The following RGPD4 variants were observed in gnomAD, a reference collection of about 807,000 sequenced individuals.
The protein encoded by RGPD4 is ranBP2-like and GRIP domain-containing protein 4.
Under a neutral mutation model 141.1 loss-of-function variants are expected in RGPD4, and 84 were observed. The observed-to-expected ratio is 0.60, with a 90% CI of 0.50 to 0.71. The LOEUF is 0.71. Ranked by LOEUF, RGPD4 falls within the 30% of genes least tolerant of loss-of-function variation. RGPD4 has a pLI of 0.00. For missense variants in RGPD4, 918 were observed against 1,622.4 expected (o/e 0.57, Z 7.46); for synonymous variants, 298 against 566.8 (o/e 0.53, Z 6.74).
At position 107,872,344 on chromosome 2, in the gene RGPD4, G is replaced by A. The variant is rs200865120; in HGVS notation, c.4340G>A (p.Arg1447His). 2.3e-4 allele frequency: 365 copies of A among 1,602,000 alleles called. 2 individuals carry two copies. In the East Asian group the frequency reaches 5.4e-3, roughly 24 times the overall value. Residue 1447 changes from arginine to histidine, a missense_variant, in exon 20 of 23, where the codon CGT (arginine) becomes CAT (histidine). Arg to His is a conservative substitution (Grantham distance 29). Transcript: ENST00000408999. ...AGAAAAGTAGAGCATTTAGCTGTTC[G>A]TTTTAAACTACAGGATGTTGCAGAC... ...GERKVEHLAV[R>H]FKLQDVADSF...
rs1682973064 is a variant in RGPD4, at chr2:107,872,695, C to T, written c.4691C>T (p.Ser1564Phe). The part of the protein sequence containing the change: ...KSKPFAFGNS[S>F]ATGSLFGFSF... ...AAACCATTTGCATTTGGCAACAGTT[C>T]TGCCACTGGGTCTTTGTTTGGATTT... The change falls in exon 20 of 23, where the codon TCT (serine) becomes TTT (phenylalanine). Residue 1564 changes from serine (S) to phenylalanine (F), a missense_variant. Transcript: ENST00000408999. 3 of 1,611,396 alleles carry T rather than the reference C, an allele frequency of 1.9e-6. No homozygotes were observed. Among genetic ancestry groups the T allele is most frequent in the Non-Finnish European group, 2.5e-6 (3 of 1,179,846 alleles).
chr2:107,854,656 T>C lies in RGPD4; in HGVS notation c.1066+13T>C. The C allele has an allele frequency of 1.8e-6, 2 of 1,136,468 alleles. No individual in the cohort carries two copies. The highest frequency in any genetic ancestry group is 2.5e-6 in the Non-Finnish European group (2 of 786,640). 70.4% of individuals were successfully genotyped at this position (1,136,468 alleles called of 1,614,324 possible). On this transcript the variant is annotated intron_variant, in intron 8 of 22. Coordinates refer to ENST00000408999, the MANE Select transcript of RGPD4 (RefSeq NM_182588.3). Reference sequence around the variant, plus strand: ...CTGAGCCAATCAGGTAATAGTAATATTAAACTAATTTAATTTAAAAAGAAA... The same window carrying C: ...CTGAGCCAATCAGGTAATAGTAATACTAAACTAATTTAATTTAAAAAGAAA...
intron 7 of RGPD4, among the ~76,000 whole-genome samples, chr2:107,849,516 G>A (rs1464636125): frequency 4.5e-5 from 3 of 66,376 alleles, no homozygotes; most frequent in Admixed American, 3.6e-4. Context: ...ACAGGCACCC[G>A]CCACCACACC....
At chr2:107,846,583 C>G (rs1368758938) in intron 6 of RGPD4, among the ~76,000 whole-genome samples, 3 of 150,094 alleles carry the variant, frequency 2.0e-5, no homozygotes, top group Admixed American at 2.0e-4. Context: ...TCTCCTGCCT[C>G]AGCCTCCCAA....
At chr2:107,833,224 C>T (rs1466805569) in intron 1 of RGPD4, among the ~76,000 whole-genome samples, 2 of 150,590 alleles carry the variant, frequency 1.3e-5, no homozygotes, top group Non-Finnish European at 2.9e-5. Context: ...CAGAGCGAGA[C>T]TCCGTTTGAA....
chr2:107,844,970 G>A (rs1480340314), intron 6 of RGPD4, among the ~76,000 whole-genome samples: 1 of 140,746 alleles, frequency 7.1e-6, no homozygotes, highest in Admixed American at 7.1e-5. Flanking sequence ...TGAGTAGCTG[G>A]GACCACAGGC....
intron 9 of RGPD4, among the ~76,000 whole-genome samples, chr2:107,857,631 C>T (rs1258734261): frequency 1.3e-5 from 2 of 151,720 alleles, no homozygotes. Context: ...GACAGGGTCT[C>T]CCTTTGTTGC....
Position 107,871,845 on chromosome 2 carries a change from A to C in RGPD4, c.3841A>C (p.Asn1281His). 1 of 1,611,606 alleles carries C rather than the reference A, an allele frequency of 6.2e-7. No homozygotes were observed. Among genetic ancestry groups the C allele is most frequent in the Non-Finnish European group, 8.5e-7 (1 of 1,179,854 alleles). Residue 1281 changes from asparagine to histidine, a missense_variant, in exon 20 of 23, where the codon AAT becomes CAT. Asn to His is a moderately conservative substitution (Grantham distance 68). Coordinates refer to ENST00000408999, the MANE Select transcript of RGPD4 (RefSeq NM_182588.3). ...ATTGGCAAGTAGCCCTGTGAGAAAA[A>C]ATCTTTTCCATTTTGGTGAGTCAAC... ...SPLASSPVRK[N>H]LFHFGESTTG...
chr2:107,885,921 T>C (rs1441835531), intron 22 of RGPD4, among the ~76,000 whole-genome samples: 2 of 151,322 alleles, frequency 1.3e-5, no homozygotes, highest in African/African-American at 4.9e-5. Context: ...GGCGTGGTGG[T>C]GCATGCCTGT....
Position 107,827,023 on chromosome 2 carries a change from A to G in RGPD4, c.10A>G (p.Ser4Gly). ...CCAGGTTGGTGGCGCGATGAGTTGC[A>G]GCAAGGCCTACGGGGAGCGGTACGT... MSC[S>G]KAYGERYVAS... The change falls in exon 1 of 23, where the codon AGC (serine) becomes GGC (glycine). Residue 4 changes from serine to glycine, a missense_variant. Physicochemically the swap from Ser to Gly is moderately conservative, Grantham distance 56. Coordinates refer to ENST00000408999, the MANE Select transcript of RGPD4 (RefSeq NM_182588.3). The G allele has an allele frequency of 6.3e-7, 1 of 1,599,652 alleles. No individual in the cohort carries two copies. Among genetic ancestry groups the G allele is most frequent in the South Asian group, 1.1e-5 (1 of 88,212 alleles).
At chr2:107,884,536 G>A (rs901524263) in intron 22 of RGPD4, among the ~76,000 whole-genome samples, 1 of 147,712 alleles carries the variant, frequency 6.8e-6, no homozygotes, top group Admixed American at 6.8e-5. Context: ...GTAACACTGA[G>A]CTTGTTCCAA....
intron 1 of RGPD4, among the ~76,000 whole-genome samples, chr2:107,830,301 G>A (rs1370900924): frequency 4.0e-5 from 6 of 149,118 alleles, no homozygotes; most frequent in African/African-American, 1.5e-4. Context: ...TTACAGGTGT[G>A]AGCCACTCTG....
chr2:107,880,025 C>G lies in RGPD4; in HGVS notation c.4982C>G (p.Ser1661Cys). ...TKEELVQKLS[S>C]TTKSADHLNG... is the part of the protein sequence containing the mutation. ...GAAGAATTGGTTCAGAAGCTCAGTTCCACCACAAAAAGTGCAGATCACTTA... is the reference window on the plus strand; with the variant it reads ...GAAGAATTGGTTCAGAAGCTCAGTTGCACCACAAAAAGTGCAGATCACTTA... The change falls in exon 21 of 23, where the codon TCC (serine) becomes TGC (cysteine). Residue 1661 changes from serine (S) to cysteine (C), a missense_variant. Coordinates refer to ENST00000408999, the MANE Select transcript of RGPD4 (RefSeq NM_182588.3). 1 of 1,611,308 alleles carries G rather than the reference C, an allele frequency of 6.2e-7. No individual in the cohort carries two copies. The highest frequency in any genetic ancestry group is 8.5e-7 in the Non-Finnish European group (1 of 1,179,814).
In RGPD4 at chr2:107,871,799, T is replaced by G; in HGVS notation, c.3795T>G (p.Ser1265Arg). Reference protein sequence around the residue: ...REDALDDSVSSSSVHASPLAS... With the variant: ...REDALDDSVSRSSVHASPLAS... ...ATGCTTTGGATGATAGTGTCAGTAG[T>G]AGCTCAGTACATGCTTCTCCATTGG... is the stretch of plus-strand genomic sequence containing the variant. The change falls in exon 20 of 23, where the codon AGT (serine) becomes AGG (arginine). Residue 1265 changes from serine (S) to arginine (R), a missense_variant. Transcript: ENST00000408999. The G allele has an allele frequency of 6.2e-7, 1 of 1,611,552 alleles. No homozygotes were observed. Among genetic ancestry groups the G allele is most frequent in the Non-Finnish European group, 8.5e-7 (1 of 1,179,862 alleles).
At chr2:107,861,556 A>G in intron 14 of RGPD4, 38 bp from the exon 15 acceptor site, 1 of 1,606,136 alleles carries the variant, frequency 6.2e-7, no homozygotes, top group Middle Eastern at 2.3e-4. Flanking sequence ...TTTTTGTTTT[A>G]AAAAGCTAAT....
At chr2:107,832,930 ATGT>A (rs1460551519) in intron 1 of RGPD4, among the ~76,000 whole-genome samples, 1 of 148,366 alleles carries the variant, frequency 6.7e-6, no homozygotes, top group Non-Finnish European at 1.5e-5. Flanking sequence ...TTTTTTAATG[ATGT>A]TTACCTGAAA....
At chr2:107,880,213 A>C (rs1188563844) in intron 21 of RGPD4, 106 bp downstream of exon 21, 22 of 1,482,122 alleles carry the variant, frequency 1.5e-5, no homozygotes, top group Non-Finnish European at 1.9e-5. Context: ...ATGCATCTAT[A>C]ACGTCTTGAT....
At chr2:107,886,574 A>G (rs1233749570) in intron 22 of RGPD4, among the ~76,000 whole-genome samples, 1 of 151,268 alleles carries the variant, frequency 6.6e-6, no homozygotes, top group Non-Finnish European at 1.5e-5. Context: ...AAAATTTCCT[A>G]GGTAAAAGGT....
chr2:107,874,004 T>C, intron 20 of RGPD4, among the ~76,000 whole-genome samples: 1 of 148,416 alleles, frequency 6.7e-6, no homozygotes, highest in East Asian at 2.0e-4. Context: ...AACATGCATG[T>C]TAAAGAATGC....
Sources: gnomAD v4.1 joint callset for allele counts (sites outside exome capture counted in the v4.1 genomes callset) on GRCh38, gnomAD v4.1.1 for gene constraint, MANE v1.5 for transcripts, NCBI Gene and HGNC (gene_info 2026-07-23, HGNC 2026-07-21) for gene names.